SPAG17: variants seen among roughly 807,000 people sequenced by gnomAD.
SPAG17 encodes the protein sperm-associated antigen 17.
A neutral mutation model predicts 273.6 loss-of-function variants in SPAG17; 169 were observed. The ratio of observed to expected loss-of-function variants is 0.62; its 90% CI spans 0.55 to 0.70. SPAG17 has a LOEUF of 0.70. Ranked by LOEUF, SPAG17 falls within the 30% of genes least tolerant of loss-of-function variation. The probability of loss-of-function intolerance (pLI) is 0.00; values close to 1 mark genes in which losing one functional copy is unlikely to be tolerated. For synonymous variants in SPAG17, 825 were observed against 873.2 expected (o/e 0.94, Z 0.97); for missense variants, 2,557 against 2,627.8 (o/e 0.97, Z 0.59).
At chr1:118,110,472 T>C (rs566431230) in intron 4 of SPAG17, among the ~76,000 whole-genome samples, 1 of 152,324 alleles carries the variant, frequency 6.6e-6, no homozygotes, top group Non-Finnish European at 1.5e-5. Flanking sequence ...ACTTTAGTAC[T>C]AGATCAGCCA....
intron 38 of SPAG17, 128 bp from the exon 39 acceptor site, chr1:117,988,332 G>T: frequency 1.9e-6 from 1 of 536,676 alleles, no homozygotes. Context: ...TGTTTACTAG[G>T]ACTTACATGA....
chr1:118,182,287 G>A (rs1409168501), intron 1 of SPAG17, among the ~76,000 whole-genome samples: 1 of 152,124 alleles, frequency 6.6e-6, no homozygotes, highest in Non-Finnish European at 1.5e-5. Flanking sequence ...CAGGGGGTGA[G>A]GAGAGGGAAG....
intron 3 of SPAG17, among the ~76,000 whole-genome samples, chr1:118,131,830 T>C (rs1200984760): frequency 6.6e-6 from 1 of 152,220 alleles, no homozygotes; most frequent in Non-Finnish European, 1.5e-5. Context: ...GGACTCTTCC[T>C]GTGGTGCAAC....
chr1:118,051,909 TATA>T lies in SPAG17; in HGVS notation c.2814+2090_2814+2092del, dbSNP rs1017972311. On this transcript the variant is annotated intron_variant, in intron 20 of 48. Coordinates refer to ENST00000336338, the MANE Select transcript of SPAG17 (RefSeq NM_206996.4). ...TATTATAATATAATATATAAACTAT[TATA>T]ATACATAAACTATTATAATATATAT... Among the ~76,000 whole-genome samples the T allele has an allele frequency of 3.7e-5, 5 of 135,864 alleles. 1 individual carries two copies. In the South Asian group the frequency reaches 7.0e-4, roughly 19 times the overall value. The allele number at this position is 135,864 out of a possible 152,430, so 89.1% of individuals were successfully genotyped here. A position where few individuals can be genotyped will look rare whatever the true frequency, so the allele number is the denominator to read the frequency against.
In SPAG17 at chr1:117,988,173, C is replaced by T. The variant is rs12040811; in HGVS notation, c.5553G>A (p.Gln1851=). The change falls in exon 39 of 49, where the codon CAG becomes CAA. Residue 1851 remains glutamine, a synonymous_variant. Transcript: ENST00000336338. Reference sequence around the variant, plus strand: ...GGCATTTTGGAGGCGTAGCCAAAGACTGCTTGAATAAATCAGTTAGGTGAG... The same window carrying T: ...GGCATTTTGGAGGCGTAGCCAAAGATTGCTTGAATAAATCAGTTAGGTGAG... ...VAAHLTDLFK[Q]SLATPPKCPP... 0.068 allele frequency: 109,362 copies of T among 1,600,812 alleles called. 5,569 individuals are homozygous for T. Among genetic ancestry groups the T allele is most frequent in the East Asian group, 0.29 (12,879 of 44,722 alleles).
At chr1:117,963,777 T>C (rs1315586658) in intron 48 of SPAG17, 22 bp downstream of exon 48, 1 of 1,590,924 alleles carries the variant, frequency 6.3e-7, no homozygotes, top group Non-Finnish European at 8.6e-7. Context: ...ACAATCAAAT[T>C]CCCATTTATT....
chr1:118,093,142 G>A lies in SPAG17; in HGVS notation c.1173+14C>T. ...AATCATTCATCCCACTAAAGACATT[G>A]AGCCCATGCCTACCTCTGAAGTTGG... On this transcript the variant is annotated intron_variant, in intron 8 of 48. Coordinates refer to ENST00000336338, the MANE Select transcript of SPAG17 (RefSeq NM_206996.4). The A allele has an allele frequency of 1.2e-6, 2 of 1,607,470 alleles. No individual in the cohort carries two copies. Among genetic ancestry groups the A allele is most frequent in the Non-Finnish European group, 1.7e-6 (2 of 1,176,792 alleles).
chr1:118,001,607 T>C (rs980226203), intron 32 of SPAG17, among the ~76,000 whole-genome samples: 2 of 152,250 alleles, frequency 1.3e-5, no homozygotes, highest in African/African-American at 4.8e-5. Context: ...TTTATTTGCA[T>C]AGAGGTGTTT....
At chr1:118,061,811 T>C (rs750164013) in intron 18 of SPAG17, among the ~76,000 whole-genome samples, 1 of 152,158 alleles carries the variant, frequency 6.6e-6, no homozygotes, top group Non-Finnish European at 1.5e-5. Flanking sequence ...AAAATACTTA[T>C]CACGATTTCT....
chr1:117,998,838 T>TTTA (rs982003278), intron 32 of SPAG17, among the ~76,000 whole-genome samples: 5 of 152,012 alleles, frequency 3.3e-5, no homozygotes, highest in South Asian at 2.1e-4. Flanking sequence ...ATTGTGTTCT[T>TTTA]TTATTATTAT....
intron 30 of SPAG17, among the ~76,000 whole-genome samples, chr1:118,009,299 A>C (rs1166635244): frequency 6.6e-6 from 1 of 151,250 alleles, no homozygotes; most frequent in African/African-American, 2.4e-5. Context: ...AAACTATATG[A>C]GGTAAGAGAT....
At chr1:117,974,336 C>T (rs750536278) in intron 43 of SPAG17, among the ~76,000 whole-genome samples, 6 of 151,886 alleles carry the variant, frequency 4.0e-5, no homozygotes, top group South Asian at 2.1e-4. Flanking sequence ...TCACAACAAC[C>T]GTATAAGGTG....
Position 118,039,278 on chromosome 1 carries a change from A to T in SPAG17, c.3319+14T>A. The T allele has an allele frequency of 1.2e-6, 2 of 1,610,978 alleles. No individual in the cohort carries two copies. Among genetic ancestry groups the T allele is most frequent in the Non-Finnish European group, 1.7e-6 (2 of 1,178,556 alleles). ...TATTAGTCAGAAGAAAGAAACCACTAAACAGCAGCTTACCCGTTTCAAGAC... is the reference window on the plus strand; with the variant it reads ...TATTAGTCAGAAGAAAGAAACCACTTAACAGCAGCTTACCCGTTTCAAGAC... On this transcript the variant is annotated intron_variant, in intron 23 of 48. Coordinates refer to ENST00000336338, the MANE Select transcript of SPAG17 (RefSeq NM_206996.4).
chr1:117,958,113 T>G (rs557781060), intron 48 of SPAG17, among the ~76,000 whole-genome samples: 7 of 152,280 alleles, frequency 4.6e-5, no homozygotes, highest in African/African-American at 1.7e-4. Context: ...CAAATACTGT[T>G]ATGAAGACAA....
chr1:118,074,233 G>T (rs748034830), intron 16 of SPAG17, among the ~76,000 whole-genome samples: 28 of 151,932 alleles, frequency 1.8e-4, no homozygotes, highest in Non-Finnish European at 3.4e-4. Flanking sequence ...CAGGTTTTCT[G>T]AACTCTCTTC....
At chr1:117,997,099 T>C (rs1447010846) in intron 32 of SPAG17, among the ~76,000 whole-genome samples, 1 of 152,138 alleles carries the variant, frequency 6.6e-6, no homozygotes, top group Non-Finnish European at 1.5e-5. Context: ...TTGAATTATT[T>C]GCAAGGACCT....
intron 3 of SPAG17, among the ~76,000 whole-genome samples, chr1:118,136,868 T>C (rs1368447506): frequency 1.3e-5 from 2 of 151,760 alleles, no homozygotes; most frequent in African/African-American, 2.4e-5. Context: ...TGAACCTCCA[T>C]AGGAAAGCCC....
At chr1:118,125,077 A>C (rs1353033822) in intron 3 of SPAG17, among the ~76,000 whole-genome samples, 2 of 152,254 alleles carry the variant, frequency 1.3e-5, no homozygotes, top group Middle Eastern at 3.4e-3. Flanking sequence ...CTGATGCCTC[A>C]ACTCTAAATA....
chr1:118,109,509 C>A (rs1977866), intron 4 of SPAG17, among the ~76,000 whole-genome samples: 6 of 150,176 alleles, frequency 4.0e-5, no homozygotes, highest in East Asian at 4.0e-4. Context: ...GAGCCGAGAT[C>A]GTGCCACTGT....
Sources: gnomAD v4.1 joint callset for allele counts (sites outside exome capture counted in the v4.1 genomes callset) on GRCh38, gnomAD v4.1.1 for gene constraint, MANE v1.5 for transcripts, NCBI Gene and HGNC (gene_info 2026-07-23, HGNC 2026-07-21) for gene names.